Variants in LRMDA observed in about 807,000 individuals in gnomAD.
The protein encoded by LRMDA is leucine rich melanocyte differentiation associated, also known as leucine-rich melanocyte differentiation-associated protein.
Under a neutral mutation model 29.8 loss-of-function variants are expected in LRMDA, and 18 were observed. That is an observed-to-expected ratio of 0.60 (90% confidence interval 0.42 to 0.90). The LOEUF (loss-of-function observed/expected upper bound fraction) is 0.90. Ranked by LOEUF, LRMDA falls within the 40% of genes least tolerant of loss-of-function variation. The probability of loss-of-function intolerance (pLI) is 0.00; values close to 1 mark genes in which losing one functional copy is unlikely to be tolerated. For missense variants in LRMDA, 273 were observed against 273.9 expected (o/e 1.00, Z 0.02); for synonymous variants, 125 against 109.4 (o/e 1.14, Z -0.89).
intron 5 of LRMDA, among the ~76,000 whole-genome samples, chr10:76,252,357 A>G (rs1285567865): frequency 6.6e-6 from 1 of 152,240 alleles, no homozygotes; most frequent in African/African-American, 2.4e-5. Context: ...CAAAGAGATC[A>G]GAGCCAGTTG....
At chr10:75,590,438 A>G (rs560393304) in intron 2 of LRMDA, among the ~76,000 whole-genome samples, 1 of 152,010 alleles carries the variant, frequency 6.6e-6, no homozygotes, top group South Asian at 2.1e-4. Context: ...CCTTAAAAAA[A>G]GTTTTGTTAT....
At chr10:76,449,253 T>C (rs1027169550) in intron 6 of LRMDA, among the ~76,000 whole-genome samples, 15 of 151,838 alleles carry the variant, frequency 9.9e-5, no homozygotes, top group African/African-American at 3.6e-4. Context: ...TGGCTGACAA[T>C]TGTATAATAT....
chr10:75,696,409 C>A (rs1589161739), intron 2 of LRMDA, among the ~76,000 whole-genome samples: 1 of 152,234 alleles, frequency 6.6e-6, no homozygotes, highest in South Asian at 2.1e-4. Context: ...AGCTCGTGGG[C>A]AGAACTAGTC....
At chr10:75,544,746 GA>G (rs1840058611) in intron 2 of LRMDA, among the ~76,000 whole-genome samples, 1 of 152,010 alleles carries the variant, frequency 6.6e-6, no homozygotes, top group Non-Finnish European at 1.5e-5. Flanking sequence ...TCATTTTAAG[GA>G]GAAACAATCG....
chr10:75,516,359 A>T (rs999315190), intron 2 of LRMDA, among the ~76,000 whole-genome samples: 3 of 152,172 alleles, frequency 2.0e-5, no homozygotes, highest in African/African-American at 7.2e-5. Context: ...CATCCTCTCC[A>T]GCATCTGTGG....
At chr10:75,851,003 TG>T (rs1564586053) in intron 2 of LRMDA, among the ~76,000 whole-genome samples, 3 of 152,192 alleles carry the variant, frequency 2.0e-5, no homozygotes, top group African/African-American at 4.8e-5. Context: ...TAAAAAAAAT[TG>T]TTTTTTTAAC....
intron 2 of LRMDA, among the ~76,000 whole-genome samples, chr10:75,804,570 G>A (rs1442390265): frequency 2.6e-5 from 4 of 152,182 alleles, no homozygotes; most frequent in Non-Finnish European, 4.4e-5. Flanking sequence ...TCAAGGGTTC[G>A]ATTTTCCTCC....
At chr10:75,825,091 A>C (rs79077490) in intron 2 of LRMDA, among the ~76,000 whole-genome samples, 3,319 of 152,328 alleles carry the variant, frequency 0.022, 109 homozygotes, top group African/African-American at 0.07. Context: ...GATGTGGAAC[A>C]CAGGATAGAA....
rs182199164 is a variant in LRMDA at position 75,982,186 on chromosome 10, A to C, written c.132-53822A>C. On this transcript the variant is annotated intron_variant, in intron 2 of 6. Coordinates refer to ENST00000611255, the MANE Select transcript of LRMDA (RefSeq NM_001305581.2). ...TTTACTTTATTGAAGACTCTCTACA[A>C]ACACAGTGCCTTTGGGGGTGAACCA... is the stretch of plus-strand genomic sequence containing the variant. Among the ~76,000 whole-genome samples the C allele has an allele frequency of 6.6e-5, 10 of 152,268 alleles. No homozygotes were observed. The East Asian group carries it at 1.7e-3, about 26-fold the overall frequency.
chr10:75,853,872 T>C (rs1844776096), intron 2 of LRMDA, among the ~76,000 whole-genome samples: 1 of 152,112 alleles, frequency 6.6e-6, no homozygotes, highest in Non-Finnish European at 1.5e-5. Flanking sequence ...CCCATAGTAG[T>C]AGAATTCTGC....
chr10:75,696,650 A>C lies in LRMDA; in HGVS notation c.131+258156A>C, dbSNP rs545686403. ...AGCTGTAAGACGATGAGTCAGTTCA[A>C]CCCTCTCACTTTTACAGATGAGGAA... is the stretch of plus-strand genomic sequence containing the variant. On this transcript the variant is annotated intron_variant, in intron 2 of 6. Transcript: ENST00000611255. Among the ~76,000 whole-genome samples the C allele has an allele frequency of 2.6e-5, 4 of 152,332 alleles. No individual in the cohort carries two copies. In the East Asian group the frequency reaches 7.7e-4, roughly 29 times the overall value.
At chr10:75,843,672 G>T (rs549483377) in intron 2 of LRMDA, among the ~76,000 whole-genome samples, 1 of 152,186 alleles carries the variant, frequency 6.6e-6, no homozygotes, top group Admixed American at 6.5e-5. Context: ...ATGTTAAAAC[G>T]TTTGTATCAG....
At chr10:76,073,524 T>G (rs922635812) in intron 5 of LRMDA, among the ~76,000 whole-genome samples, 4 of 152,230 alleles carry the variant, frequency 2.6e-5, no homozygotes, top group African/African-American at 9.6e-5. Context: ...TAACCTTATG[T>G]ATAAAATACT....
At chr10:76,048,835 C>T (rs935610145) in intron 4 of LRMDA, among the ~76,000 whole-genome samples, 7 of 152,162 alleles carry the variant, frequency 4.6e-5, no homozygotes, top group African/African-American at 1.7e-4. Context: ...TAGAGAATGG[C>T]TTCCAGTGGG....
At chr10:76,260,396 T>C (rs1469610831) in intron 5 of LRMDA, among the ~76,000 whole-genome samples, 1 of 152,216 alleles carries the variant, frequency 6.6e-6, no homozygotes, top group African/African-American at 2.4e-5. Flanking sequence ...TCCACTTAGT[T>C]TTAGCTTGTC....
chr10:75,972,617 G>T (rs1846996653), intron 2 of LRMDA, among the ~76,000 whole-genome samples: 1 of 152,030 alleles, frequency 6.6e-6, no homozygotes, highest in Non-Finnish European at 1.5e-5. Context: ...TGACAGCTCT[G>T]TCATTTCACT....
chr10:76,153,941 AC>A (rs1850492693), intron 5 of LRMDA, among the ~76,000 whole-genome samples: 1 of 152,138 alleles, frequency 6.6e-6, no homozygotes, highest in Non-Finnish European at 1.5e-5. Flanking sequence ...GGCCATATGG[AC>A]TGTTGTGTTT....
chr10:76,374,835 C>T (rs922392396), intron 6 of LRMDA, among the ~76,000 whole-genome samples: 1 of 152,038 alleles, frequency 6.6e-6, no homozygotes, highest in African/African-American at 2.4e-5. Flanking sequence ...TGAATCATGG[C>T]AATAAGATAA....
intron 2 of LRMDA, among the ~76,000 whole-genome samples, chr10:75,858,182 C>A (rs976724798): frequency 1.2e-4 from 18 of 152,146 alleles, no homozygotes; most frequent in Non-Finnish European, 1.5e-5. Flanking sequence ...GCCCTGGCCC[C>A]TCTGTCTACT....
Sources: gnomAD v4.1 joint callset for allele counts (sites outside exome capture counted in the v4.1 genomes callset) on GRCh38, gnomAD v4.1.1 for gene constraint, MANE v1.5 for transcripts, NCBI Gene and HGNC (gene_info 2026-07-23, HGNC 2026-07-21) for gene names.